The following USP48 variants were observed in gnomAD, a reference collection of about 807,000 sequenced individuals.
USP48 encodes the protein ubiquitin specific peptidase 48.
In USP48, 43 loss-of-function variants were observed where a neutral mutation model predicts 150.7. The observed-to-expected ratio is 0.29, with a 90% CI of 0.22 to 0.37. USP48 has a LOEUF of 0.37. Among genes scored for constraint, USP48 ranks in the 10% least tolerant of loss-of-function variants. The pLI, the probability that USP48 is intolerant of heterozygous loss-of-function variation, is 1.00. For missense variants in USP48, 813 were observed against 1,249.6 expected, an observed-to-expected ratio of 0.65 and a Z score of 5.27; for synonymous variants, 396 against 425.9, an observed-to-expected ratio of 0.93 and a Z score of 0.86.
chr1:21,700,278 G>C (rs903965307), intron 22 of USP48, among the ~76,000 whole-genome samples: 2 of 152,052 alleles, frequency 1.3e-5, no homozygotes, highest in Non-Finnish European at 2.9e-5. Context: ...AAGAGTGGCT[G>C]ATCACTGTCA....
chr1:21,705,717 A>C lies in USP48; in HGVS notation c.2384+10T>G. On this transcript the variant is annotated intron_variant, in intron 19 of 26. Coordinates refer to ENST00000308271, the MANE Select transcript of USP48 (RefSeq NM_032236.8). ...AAGAAAAAAAAATCACATGAAGAGA[A>C]GGAACTCACAGTTTAGAATCTTCTT... 6.4e-7 allele frequency: 1 copy of C among 1,563,320 alleles called. No individual in the cohort carries two copies. The highest frequency in any genetic ancestry group is 8.7e-7 in the Non-Finnish European group (1 of 1,155,500).
rs2097558328 is a variant in USP48, at chr1:21,679,068, A to G, written c.*349T>C. 5.4e-6 allele frequency: 2 copies of G among 372,730 alleles called. No homozygotes were observed. Among genetic ancestry groups the G allele is most frequent in the Non-Finnish European group, 9.9e-6 (2 of 201,954 alleles). 23.1% of individuals were successfully genotyped at this position (372,730 alleles called of 1,614,324 possible). A position where few individuals can be genotyped will look rare whatever the true frequency, so the allele number is the denominator to read the frequency against. ...AACGCATCTGGTATGAAACTCGAGC[A>G]AGGAAATATAACAGAACTTTATTCC... On this transcript the variant is annotated 3_prime_UTR_variant, in exon 27 of 27. Coordinates refer to ENST00000308271, the MANE Select transcript of USP48 (RefSeq NM_032236.8).
rs529388541 is a variant in USP48, at chr1:21,732,501, C to T, written c.1172-2669G>A. 1.1e-4 allele frequency among the ~76,000 whole-genome samples: 16 copies of T among 151,900 alleles called. No homozygotes were observed. In the South Asian group the frequency reaches 3.3e-3, roughly 32 times the overall value. ...CATCTATCACATTGAGATATATTTA[C>T]AAAAAAAGTACATTTACAGTAAAAT... On this transcript the variant is annotated intron_variant, in intron 9 of 26. Coordinates refer to ENST00000308271, the MANE Select transcript of USP48 (RefSeq NM_032236.8).
chr1:21,740,364 C>A (rs1301183730), intron 8 of USP48, among the ~76,000 whole-genome samples: 1 of 152,184 alleles, frequency 6.6e-6, no homozygotes, highest in Non-Finnish European at 1.5e-5. Context: ...AACTAGAATT[C>A]TTTGGTTTAG....
intron 25 of USP48, among the ~76,000 whole-genome samples, chr1:21,684,584 C>CCTG (rs923450679): frequency 2.0e-5 from 3 of 152,032 alleles, no homozygotes; most frequent in Non-Finnish European, 2.9e-5. Flanking sequence ...GGTTTTGTTC[C>CCTG]CTGTGCTTTG....
chr1:21,741,216 A>T (rs2097780741), intron 8 of USP48, among the ~76,000 whole-genome samples: 1 of 152,242 alleles, frequency 6.6e-6, no homozygotes, highest in South Asian at 2.1e-4. Flanking sequence ...AAAGAATCAA[A>T]ATTAAAAAAG....
chr1:21,697,662 C>CAAAAAAAAA, intron 22 of USP48, among the ~76,000 whole-genome samples: 1 of 68,426 alleles, frequency 1.5e-5, no homozygotes, highest in Non-Finnish European at 2.9e-5. Flanking sequence ...GACTCCATCT[C>CAAAAAAAAA]AAAAAAAAAA....
At chr1:21,706,262 T>C (rs1160863447) in intron 17 of USP48, 75 bp from the exon 18 acceptor site, 9 of 1,544,828 alleles carry the variant, frequency 5.8e-6, no homozygotes, top group Non-Finnish European at 7.9e-6. Flanking sequence ...TAATATACTT[T>C]GGTTGTCCTT....
At chr1:21,718,326 A>G (rs2097710361) in intron 14 of USP48, among the ~76,000 whole-genome samples, 1 of 152,248 alleles carries the variant, frequency 6.6e-6, no homozygotes, top group African/African-American at 2.4e-5. Context: ...GCTGTATTAT[A>G]AAAAGCCACT....
At chr1:21,714,291 A>G (rs1296313161) in intron 15 of USP48, among the ~76,000 whole-genome samples, 4 of 152,160 alleles carry the variant, frequency 2.6e-5, no homozygotes, top group Admixed American at 2.0e-4. Flanking sequence ...ATTTTATTTT[A>G]AAGAGATGGG....
chr1:21,695,664 G>A lies in USP48; in HGVS notation c.2728-443C>T, dbSNP rs143044261. Among the ~76,000 whole-genome samples the A allele has an allele frequency of 2.2e-3, 340 of 152,178 alleles. 1 individual carries two copies. Among genetic ancestry groups the A allele is most frequent in the Middle Eastern group, 6.8e-3 (2 of 294 alleles). The stretch of plus-strand genomic sequence containing the variant: ...TTCCAGGCTGCAGTGAGCTACAATC[G>A]CACCACTGGACTCCAGTCTGCTGAC... On this transcript the variant is annotated intron_variant, in intron 22 of 26. Coordinates refer to ENST00000308271, the MANE Select transcript of USP48 (RefSeq NM_032236.8).
chr1:21,755,828 C>T (rs1480275107), intron 3 of USP48, among the ~76,000 whole-genome samples: 2 of 151,078 alleles, frequency 1.3e-5, no homozygotes, highest in African/African-American at 4.9e-5. Context: ...GCCAGAAGTT[C>T]AAGACCAGCC....
intron 6 of USP48, among the ~76,000 whole-genome samples, chr1:21,749,405 G>A (rs1240244666): frequency 6.6e-6 from 1 of 151,938 alleles, no homozygotes; most frequent in African/African-American, 2.4e-5. Flanking sequence ...CTTCTTCCTG[G>A]AACTATACCT....
At chr1:21,728,178 A>G in intron 11 of USP48, 1 of 993,838 alleles carries the variant, frequency 1.0e-6, no homozygotes, top group Non-Finnish European at 1.2e-6. Context: ...TTCATATAAT[A>G]GAATGTCTGT....
intron 1 of USP48, among the ~76,000 whole-genome samples, chr1:21,773,254 CA>C (rs60704662): frequency 0.01 from 669 of 66,160 alleles, 3 homozygotes; most frequent in East Asian, 0.042. Flanking sequence ...GACTCGGTCT[CA>C]AAAAAAAAAA....
chr1:21,762,018 G>A (rs1194403945), intron 1 of USP48, among the ~76,000 whole-genome samples: 2 of 151,728 alleles, frequency 1.3e-5, no homozygotes, highest in Non-Finnish European at 1.5e-5. Context: ...GTAATCCCCA[G>A]CACTTTGGGA....
chr1:21,777,769 T>C lies in USP48; in HGVS notation c.134+5055A>G, dbSNP rs11588861. On this transcript the variant is annotated intron_variant, in intron 1 of 26. Coordinates refer to ENST00000308271, the MANE Select transcript of USP48 (RefSeq NM_032236.8). ...ATACCACCAATAAAATTAAAAGCCA[T>C]AGAAATTAGAAAAAATATTTGCAAA... Among the ~76,000 whole-genome samples, 262 of 152,008 alleles carry C rather than the reference T, an allele frequency of 1.7e-3. 1 individual carries two copies. Among genetic ancestry groups the C allele is most frequent in the African/African-American group, 6.1e-3 (252 of 41,496 alleles).
At chr1:21,776,691 C>T (rs372519787) in intron 1 of USP48, among the ~76,000 whole-genome samples, 8 of 151,336 alleles carry the variant, frequency 5.3e-5, no homozygotes, top group South Asian at 2.1e-4. Context: ...CAGTGGCTCA[C>T]GCCTGTAATC....
chr1:21,756,159 G>A (rs906140819), intron 3 of USP48, among the ~76,000 whole-genome samples: 2 of 148,128 alleles, frequency 1.4e-5, no homozygotes, highest in African/African-American at 5.0e-5. Flanking sequence ...GTGTGAAACT[G>A]TCTTAAAAAA....
Sources: gnomAD v4.1 joint callset for allele counts (sites outside exome capture counted in the v4.1 genomes callset) on GRCh38, gnomAD v4.1.1 for gene constraint, MANE v1.5 for transcripts, NCBI Gene and HGNC (gene_info 2026-07-23, HGNC 2026-07-21) for gene names.